The following RGS3 variants were observed in gnomAD, a reference collection of about 807,000 sequenced individuals.
RGS3 encodes the protein regulator of G protein signaling 3.
Under a neutral mutation model 132.6 loss-of-function variants are expected in RGS3, and 80 were observed. The observed-to-expected ratio is 0.60, with a 90% CI of 0.50 to 0.73. The LOEUF is 0.73. RGS3 is among the 30% of genes least tolerant of loss of function. The probability of loss-of-function intolerance (pLI) is 0.00; values close to 1 mark genes in which losing one functional copy is unlikely to be tolerated. For synonymous variants in RGS3, 598 were observed against 620.6 expected (o/e 0.96, Z 0.54); for missense variants, 1,382 against 1,530.8 (o/e 0.90, Z 1.62).
chr9:113,480,083 A>G (rs1830111563), intron 4 of RGS3, among the ~76,000 whole-genome samples: 1 of 152,182 alleles, frequency 6.6e-6, no homozygotes. Flanking sequence ...GGTTGCTACA[A>G]AGATTAAGTG....
intron 10 of RGS3, among the ~76,000 whole-genome samples, chr9:113,498,777 C>T (rs566718444): frequency 1.3e-3 from 194 of 151,774 alleles, no homozygotes; most frequent in Admixed American, 2.1e-3. Context: ...ATTAACTAGA[C>T]ATGGTGCTGG....
At chr9:113,524,974 G>T (rs977902884) in intron 17 of RGS3, among the ~76,000 whole-genome samples, 3 of 152,186 alleles carry the variant, frequency 2.0e-5, no homozygotes, top group African/African-American at 7.2e-5. Context: ...GTGCTGAGCT[G>T]CTTTTGAGCT....
chr9:113,565,342 C>T lies in RGS3; in HGVS notation c.2038-18108C>T, dbSNP rs1053920536. The T allele has an allele frequency of 7.8e-5, 100 of 1,289,332 alleles. No individual in the cohort carries two copies. Among genetic ancestry groups the T allele is most frequent in the Non-Finnish European group, 9.6e-5 (95 of 988,726 alleles). The allele number at this position is 1,289,332 out of a possible 1,614,324, so 79.9% of individuals were successfully genotyped here. On this transcript the variant is annotated intron_variant, in intron 19 of 24. Coordinates refer to ENST00000350696, the Ensembl canonical transcript of RGS3. This position sits in a 1 kb window ranked among gnomAD's most constrained non-coding sequence, Gnocchi z 5.7. Reference sequence around the variant, plus strand: ...GAAATCCAGCCTCTCTCCAGAGTGGCGGTGGCCGGCTAGACAGGGTGTGTG... The same window carrying T: ...GAAATCCAGCCTCTCTCCAGAGTGGTGGTGGCCGGCTAGACAGGGTGTGTG...
intron 3 of RGS3, among the ~76,000 whole-genome samples, chr9:113,478,018 C>G (rs1417049093): frequency 6.6e-6 from 1 of 152,200 alleles, no homozygotes; most frequent in African/African-American, 2.4e-5. Flanking sequence ...GTGTGACCCT[C>G]TCTCTCTTCT....
At chr9:113,541,218 G>C in intron 19 of RGS3, 2 of 1,244,502 alleles carry the variant, frequency 1.6e-6, no homozygotes, top group Non-Finnish European at 2.3e-6. Context: ...GGAGATGCCA[G>C]GGTGTGTGAG....
intron 18 of RGS3, among the ~76,000 whole-genome samples, chr9:113,532,427 T>G (rs1238210243): frequency 6.6e-6 from 1 of 152,118 alleles, no homozygotes; most frequent in Non-Finnish European, 1.5e-5. Context: ...TTTGCCCATC[T>G]AAGCCAGCCA....
intron 3 of RGS3, among the ~76,000 whole-genome samples, chr9:113,466,550 AG>A (rs1292825155): frequency 2.6e-5 from 4 of 152,184 alleles, no homozygotes; most frequent in African/African-American, 7.2e-5. Flanking sequence ...GCCTTACTTC[AG>A]GGGAAGGGAG....
chr9:113,490,061 C>G (rs1224265530), intron 7 of RGS3, among the ~76,000 whole-genome samples: 2 of 152,182 alleles, frequency 1.3e-5, no homozygotes, highest in Non-Finnish European at 2.9e-5. Flanking sequence ...CAGGCCTCAG[C>G]ACAGTAGATT....
chr9:113,468,217 G>C (rs543058858), intron 3 of RGS3, among the ~76,000 whole-genome samples: 2 of 152,252 alleles, frequency 1.3e-5, no homozygotes, highest in Non-Finnish European at 1.5e-5. Flanking sequence ...TCCACTTTGA[G>C]TTAATTTTTG....
At chr9:113,514,998 C>A (rs527824418) in intron 15 of RGS3, among the ~76,000 whole-genome samples, 1 of 152,268 alleles carries the variant, frequency 6.6e-6, no homozygotes, top group South Asian at 2.1e-4. Flanking sequence ...CCCTGGCTCA[C>A]CCAGTGGTTT....
At chr9:113,485,180 T>C (rs901542021) in intron 6 of RGS3, among the ~76,000 whole-genome samples, 3 of 152,100 alleles carry the variant, frequency 2.0e-5, no homozygotes, top group Non-Finnish European at 4.4e-5. Context: ...CTCCGCCTCC[T>C]GGGTTCACGC....
In RGS3 at chr9:113,507,391, A is replaced by G; in HGVS notation, c.1190A>G (p.His397Arg). The change falls in exon 13 of 25, where the codon CAT becomes CGT. Residue 397 changes from histidine to arginine, a missense_variant. Coordinates refer to ENST00000350696, the Ensembl canonical transcript of RGS3. This position sits in a 1 kb window ranked among gnomAD's most constrained non-coding sequence, Gnocchi z 5.0. ...CGGCGGGCCTCCTGCAAGTCGACAC[A>G]TGACCTCCAGTCACCCCCCAACAAA... 2.5e-6 allele frequency: 4 copies of G among 1,613,864 alleles called. No homozygotes were observed. Among genetic ancestry groups the G allele is most frequent in the South Asian group, 1.1e-5 (1 of 91,070 alleles).
intron 13 of RGS3, 52 bp from the exon 12 acceptor site, chr9:113,508,489 T>C (rs1466323740): frequency 1.2e-6 from 2 of 1,608,650 alleles, no homozygotes; most frequent in Non-Finnish European, 1.7e-6. Flanking sequence ...CCTCCTGGGC[T>C]GTCCTGCCCT....
At chr9:113,592,522 CCTT>C (rs1312215537) in intron 21 of RGS3, 1 of 151,988 alleles carries the variant, frequency 6.6e-6, no homozygotes, top group Non-Finnish European at 1.5e-5. Context: ...GACAGAGTCT[CCTT>C]CTGTCACCCA....
intron 18 of RGS3, among the ~76,000 whole-genome samples, chr9:113,531,897 C>T (rs965644200): frequency 6.6e-6 from 1 of 152,196 alleles, no homozygotes; most frequent in South Asian, 2.1e-4. Context: ...AATGAACCAA[C>T]TTAATTTATG....
chr9:113,469,120 T>C (rs1383443139), intron 3 of RGS3, among the ~76,000 whole-genome samples: 1 of 150,500 alleles, frequency 6.6e-6, no homozygotes. Flanking sequence ...CACTCCTTTC[T>C]CTGCCTCTCT....
intron 1 of RGS3, among the ~76,000 whole-genome samples, chr9:113,447,126 G>T (rs1399412243): frequency 2.0e-5 from 3 of 151,078 alleles, no homozygotes; most frequent in African/African-American, 7.3e-5. Flanking sequence ...GCTGGGTGTG[G>T]TGGCACGTGC....
chr9:113,542,201 G>A (rs951341927), intron 19 of RGS3: 1 of 152,238 alleles, frequency 6.6e-6, no homozygotes, highest in African/African-American at 2.4e-5. Flanking sequence ...GGGGAAGAGT[G>A]TTCGCGGTGG....
chr9:113,596,988 G>A, exon 25 of RGS3: 1 of 1,553,652 alleles, frequency 6.4e-7, no homozygotes, highest in Non-Finnish European at 8.7e-7. Context: ...TTCACACCAG[G>A]CGGGCTGGGT....
Sources: allele counts gnomAD v4.1 joint callset (sites outside exome capture counted in the v4.1 genomes callset), GRCh38; gene constraint gnomAD v4.1.1; non-coding constraint Gnocchi (gnomAD v3.1); transcripts MANE v1.5; gene names NCBI Gene and HGNC (gene_info 2026-07-23, HGNC 2026-07-21).